The following SI variants were observed in gnomAD, a reference collection of about 807,000 sequenced individuals.
SI encodes sucrase-isomaltase.
A neutral mutation model predicts 253.3 loss-of-function variants in SI; 235 were observed. The ratio of observed to expected loss-of-function variants is 0.93; its 90% CI spans 0.83 to 1.03. SI has a LOEUF of 1.03. SI is among the 50% of genes least tolerant of loss of function. SI has a pLI of 0.00. For synonymous variants in SI, 819 were observed against 712.0 expected, an observed-to-expected ratio of 1.15 and a Z score of -2.39; for missense variants, 2,442 against 2,211.1, an observed-to-expected ratio of 1.10 and a Z score of -2.09.
At chr3:165,024,818 A>C (rs75688869) in intron 25 of SI, among the ~76,000 whole-genome samples, 83 of 151,192 alleles carry the variant, frequency 5.5e-4, no homozygotes, top group African/African-American at 1.9e-3. Context: ...AAACATACTC[A>C]CTATCTCTAA....
Position 165,031,203 on chromosome 3 carries a change from T to G in SI, c.2737-336A>C, listed in dbSNP as rs987567866. ...TTGGGAATAATGTGAGCAAGATTTA[T>G]CCCACACCTAGATTTTCATCTGCAT... On this transcript the variant is annotated intron_variant, in intron 24 of 47. Coordinates refer to ENST00000264382, the MANE Select transcript of SI (RefSeq NM_001041.4). Among the ~76,000 whole-genome samples the G allele has an allele frequency of 5.3e-5, 8 of 149,876 alleles. No homozygotes were observed. The East Asian group carries it at 1.4e-3, about 26-fold the overall frequency.
chr3:165,055,718 G>T (rs9858331), intron 12 of SI, among the ~76,000 whole-genome samples: 39,401 of 151,728 alleles, frequency 0.26, 5,315 homozygotes, highest in Non-Finnish European at 0.31. Context: ...TGTCTTTTAT[G>T]TTTATTTGTA....
the SI span, among the ~76,000 whole-genome samples, chr3:165,089,905 G>A: frequency 6.6e-6 from 1 of 152,084 alleles, no homozygotes; most frequent in Non-Finnish European, 1.5e-5. Flanking sequence ...GAGAGGCACA[G>A]AGAGAAACAA....
At chr3:165,064,869 C>T (rs887152963) in intron 7 of SI, among the ~76,000 whole-genome samples, 28 of 151,970 alleles carry the variant, frequency 1.8e-4, no homozygotes, top group Admixed American at 3.3e-4. Context: ...GACAGAGATG[C>T]GTGAGATAAT....
intron 3 of SI, among the ~76,000 whole-genome samples, chr3:165,070,587 T>G (rs572370332): frequency 1.3e-3 from 197 of 151,782 alleles, no homozygotes; most frequent in Non-Finnish European, 2.6e-3. Context: ...TACAGCAGTC[T>G]CTATGAAAGA....
chr3:165,017,895 C>T (rs781697627), intron 29 of SI, 22 bp from the exon 30 acceptor site: 4 of 1,588,576 alleles, frequency 2.5e-6, no homozygotes, highest in South Asian at 1.1e-5. Flanking sequence ...AAATAACATC[C>T]CATTTTCATC....
Position 165,006,961 on chromosome 3 carries a change from A to G in SI, c.4268-7T>C, listed in dbSNP as rs1356104565. ...TCAGTTCTTTTTGTGAGTTCTGGAA[A>G]GAATCAATGAAAAAATATTAATATA... On this transcript the variant is annotated splice_polypyrimidine_tract_variant and splice_region_variant and intron_variant, in intron 36 of 47. Coordinates refer to ENST00000264382, the MANE Select transcript of SI (RefSeq NM_001041.4). The G allele has an allele frequency of 1.9e-6, 3 of 1,589,040 alleles. No homozygotes were observed. The highest frequency in any genetic ancestry group is 2.7e-5 in the African/African-American group (2 of 74,234).
At chr3:165,014,860 A>G (rs1188018707) in intron 33 of SI, among the ~76,000 whole-genome samples, 1 of 152,142 alleles carries the variant, frequency 6.6e-6, no homozygotes, top group African/African-American at 2.4e-5. Context: ...TAGTCTTATA[A>G]TAAATTACAA....
rs542415874 is a variant in SI at position 164,980,403 on chromosome 3, T to C, written c.5416-973A>G. Among the ~76,000 whole-genome samples the C allele has an allele frequency of 6.0e-4, 91 of 152,060 alleles. 1 individual carries two copies. The highest frequency in any genetic ancestry group is 1.9e-3 in the African/African-American group (79 of 41,542). On this transcript the variant is annotated intron_variant, in intron 47 of 47. Coordinates refer to ENST00000264382, the MANE Select transcript of SI (RefSeq NM_001041.4). ...ACTTTTTACATAAATCAGCTGGACA[T>C]AATTGTTACTAGAAAAATGCTTTTG...
At chr3:165,052,130 C>T (rs969138642) in intron 13 of SI, among the ~76,000 whole-genome samples, 2 of 151,998 alleles carry the variant, frequency 1.3e-5, no homozygotes, top group African/African-American at 4.8e-5. Context: ...ATTAAACTTA[C>T]TACCCATATT....
chr3:165,041,110 A>T lies in SI; in HGVS notation c.2005-16T>A. Reference sequence around the variant, plus strand: ...GATCCTGATGCTGTGAGATAGAAAGAGAAATTAAAATAAGAAAGCTAAAGT... The same window carrying T: ...GATCCTGATGCTGTGAGATAGAAAGTGAAATTAAAATAAGAAAGCTAAAGT... On this transcript the variant is annotated splice_polypyrimidine_tract_variant and intron_variant, in intron 17 of 47. Transcript: ENST00000264382. 6.2e-7 allele frequency: 1 copy of T among 1,611,322 alleles called. No individual in the cohort carries two copies. Among genetic ancestry groups the T allele is most frequent in the South Asian group, 1.1e-5 (1 of 91,014 alleles).
At chr3:165,061,419 T>C (rs913370434) in intron 9 of SI, among the ~76,000 whole-genome samples, 2 of 151,966 alleles carry the variant, frequency 1.3e-5, no homozygotes, top group Non-Finnish European at 2.9e-5. Context: ...CTGCGCTTCT[T>C]TTCTAAATTT....
chr3:164,979,463 T>C lies in SI; in HGVS notation c.5416-33A>G, dbSNP rs755130118. 9.4e-6 allele frequency: 11 copies of C among 1,166,794 alleles called. No homozygotes were observed. In the Admixed American group the frequency reaches 1.4e-4, roughly 14 times the overall value. 72.3% of individuals were successfully genotyped at this position (1,166,794 alleles called of 1,614,324 possible). A position where few individuals can be genotyped will look rare whatever the true frequency, so the allele number is the denominator to read the frequency against. ...AGTAAAATAATAATTAGTTGTTTAATCACAACCACATTTTTCTTATTTTCA... is the reference window on the plus strand; with the variant it reads ...AGTAAAATAATAATTAGTTGTTTAACCACAACCACATTTTTCTTATTTTCA... On this transcript the variant is annotated intron_variant, in intron 47 of 47. Coordinates refer to ENST00000264382, the MANE Select transcript of SI (RefSeq NM_001041.4).
chr3:165,024,554 T>C (rs1711801539), intron 25 of SI, among the ~76,000 whole-genome samples: 1 of 151,142 alleles, frequency 6.6e-6, no homozygotes, highest in African/African-American at 2.4e-5. Context: ...GTTTGACTCA[T>C]CTTCTTAAGG....
At chr3:165,068,535 G>A (rs542284418) in intron 5 of SI, among the ~76,000 whole-genome samples, 187 bp downstream of exon 5, 2 of 152,192 alleles carry the variant, frequency 1.3e-5, no homozygotes, top group South Asian at 2.1e-4. Context: ...CACCACGCCT[G>A]GCTAATTTTT....
At position 165,055,188 on chromosome 3, in the gene SI, A is replaced by G. The variant is rs772178082; in HGVS notation, c.1512+6T>C. ...CCAAAACCATTGGTTTAAAATAGCT[A>G]CTTACAATCCAAAGTCCATCATATT... On this transcript the variant is annotated splice_donor_region_variant and intron_variant, in intron 13 of 47. Coordinates refer to ENST00000264382, the MANE Select transcript of SI (RefSeq NM_001041.4). 2.6e-6 allele frequency: 4 copies of G among 1,533,384 alleles called. No homozygotes were observed. Among genetic ancestry groups the G allele is most frequent in the South Asian group, 1.1e-5 (1 of 89,412 alleles). 95.0% of individuals were successfully genotyped at this position (1,533,384 alleles called of 1,614,324 possible).
rs575339452 is a variant in SI, at chr3:165,009,957, C to A, written c.4063-562G>T. Among the ~76,000 whole-genome samples the A allele has an allele frequency of 3.7e-4, 57 of 152,036 alleles. No homozygotes were observed. In the South Asian group the frequency reaches 0.012, roughly 31 times the overall value. ...ATAAAAGTTCCAGTGTCAGAGTAAC[C>A]GTGTTTTAGCAAAAGATTGACCTGC... On this transcript the variant is annotated intron_variant, in intron 34 of 47. Coordinates refer to ENST00000264382, the MANE Select transcript of SI (RefSeq NM_001041.4).
chr3:165,065,477 A>AT, intron 6 of SI, 45 bp from the exon 7 acceptor site: 1 of 270,720 alleles, frequency 3.7e-6, no homozygotes, highest in South Asian at 9.6e-5. Context: ...ATATATATAT[A>AT]TATATATATA....
At chr3:165,003,422 C>T (rs1718349992) in intron 37 of SI, among the ~76,000 whole-genome samples, 1 of 151,914 alleles carries the variant, frequency 6.6e-6, no homozygotes, top group Non-Finnish European at 1.5e-5. Flanking sequence ...TCAAAAGTAA[C>T]ATTTGCCCCA....
Sources: allele counts gnomAD v4.1 joint callset (sites outside exome capture counted in the v4.1 genomes callset), GRCh38; gene constraint gnomAD v4.1.1; transcripts MANE v1.5; gene names NCBI Gene and HGNC (gene_info 2026-07-23, HGNC 2026-07-21).